PTCH1: variants seen among roughly 807,000 people sequenced by gnomAD.
PTCH1 encodes the protein patched 1, also known as protein patched homolog 1.
In PTCH1, 14 loss-of-function variants were observed where a neutral mutation model predicts 144.6. That is an observed-to-expected ratio of 0.10 (90% CI 0.06 to 0.15). The LOEUF is 0.15. Ranked by LOEUF, PTCH1 falls within the 10% of genes least tolerant of loss-of-function variation. The pLI is 1.00. For synonymous variants in PTCH1, 833 were observed against 793.6 expected (o/e 1.05, Z -0.83); for missense variants, 1,623 against 1,948.3 (o/e 0.83, Z 3.14).
chr9:95,480,046 T>C lies in PTCH1; in HGVS notation c.990A>G (p.Leu330=). ...ALVLNGGCHG[L]SRKYMHWQEE... ...CCTGCCAGTGCATATACTTTCTGGATAAGCCATGACATCCACCATTCAAAA... is the reference window on the plus strand; with the variant it reads ...CCTGCCAGTGCATATACTTTCTGGACAAGCCATGACATCCACCATTCAAAA... Residue 330 remains leucine, a synonymous_variant, in exon 7 of 24, where the codon TTA becomes TTG. Coordinates refer to ENST00000331920, the MANE Select transcript of PTCH1 (RefSeq NM_000264.5). The C allele has an allele frequency of 6.2e-7, 1 of 1,614,018 alleles. No homozygotes were observed. The highest frequency in any genetic ancestry group is 1.3e-5 in the African/African-American group (1 of 74,982).
rs863224649 is a variant in PTCH1, at chr9:95,476,110, G to C, written c.1652C>G (p.Thr551Arg). The C allele has an allele frequency of 6.2e-7, 1 of 1,613,836 alleles. No homozygotes were observed. Among genetic ancestry groups the C allele is most frequent in the Non-Finnish European group, 8.5e-7 (1 of 1,179,902 alleles). Residue 551 changes from threonine (T) to arginine (R), a missense_variant, in exon 12 of 24, where the codon ACG (threonine) becomes AGG (arginine). Coordinates refer to ENST00000331920, the MANE Select transcript of PTCH1 (RefSeq NM_000264.5). This position sits in a 1 kb window ranked among gnomAD's most constrained non-coding sequence, Gnocchi z 4.6. ...LKRTGASVAL[T>R]SISNVTAFFM... ...GAAGGCTGTGACATTGCTGATGGACGTGAGGGCCACGCTGGCTCCTGTGCG... is the reference window on the plus strand; with the variant it reads ...GAAGGCTGTGACATTGCTGATGGACCTGAGGGCCACGCTGGCTCCTGTGCG...
At chr9:95,505,917 CCGCCG>C (rs1843558473) in intron 2 of PTCH1, among the ~76,000 whole-genome samples, 1 of 147,644 alleles carries the variant, frequency 6.8e-6, no homozygotes, top group African/African-American at 2.4e-5. Flanking sequence ...GCGGCCGCGG[CCGCCG>C]GGGGCGCGCA....
At chr9:95,474,717 T>A (rs1840881437) in intron 12 of PTCH1, among the ~76,000 whole-genome samples, 1 of 152,138 alleles carries the variant, frequency 6.6e-6, no homozygotes. Context: ...GACATTCAAA[T>A]ACGTGATTGA....
chr9:95,476,273 T>G lies in PTCH1; in HGVS notation c.1603-114A>C. On this transcript the variant is annotated intron_variant, in intron 11 of 23. Transcript: ENST00000331920. The surrounding 1 kb of genome is among the most constrained non-coding windows in gnomAD (Gnocchi z 4.6). ...ACACAACTGTTATTACAGCTTATCATGCTGGCATTAGGGAAACAGAGCCAC... is the reference window on the plus strand; with the variant it reads ...ACACAACTGTTATTACAGCTTATCAGGCTGGCATTAGGGAAACAGAGCCAC... The G allele has an allele frequency of 6.8e-7, 1 of 1,474,842 alleles. No individual in the cohort carries two copies. Among genetic ancestry groups the G allele is most frequent in the South Asian group, 1.2e-5 (1 of 82,442 alleles). The allele number at this position is 1,474,842 out of a possible 1,614,324, so 91.4% of individuals were successfully genotyped here. A position where few individuals can be genotyped will look rare whatever the true frequency, so the allele number is the denominator to read the frequency against.
chr9:95,478,801 C>G (rs1413400957), intron 8 of PTCH1, among the ~76,000 whole-genome samples, 199 bp downstream of exon 8: 1 of 152,010 alleles, frequency 6.6e-6, no homozygotes, highest in African/African-American at 2.4e-5. Flanking sequence ...CTCAGGGCAC[C>G]CCAATTAGAA....
intron 2 of PTCH1, chr9:95,503,220 A>G (rs1293796094): frequency 6.6e-6 from 1 of 152,232 alleles, no homozygotes; most frequent in Non-Finnish European, 1.5e-5. Flanking sequence ...CATCTAACAG[A>G]TTTCTTTGCT....
In PTCH1 at chr9:95,461,997, T is replaced by C. The variant is rs751613059; in HGVS notation, c.2562A>G (p.Gly854=). 38 of 1,614,042 alleles carry C rather than the reference T, an allele frequency of 2.4e-5. 1 individual carries two copies. In the South Asian group the frequency reaches 3.6e-4, roughly 15 times the overall value. Residue 854 remains glycine, a splice_region_variant and synonymous_variant, in exon 16 of 24, where the codon GGA becomes GGG. Coordinates refer to ENST00000331920, the MANE Select transcript of PTCH1 (RefSeq NM_000264.5). The part of the protein sequence containing the change: ...WLHYFRDWLQ[G]LQDAFDSDWE... ...AGTCACTGTCAAATGCATCCTGAAG[T>C]CCTAGAAATGGCAAATGATTGTAAC... is the stretch of plus-strand genomic sequence containing the variant.
Position 95,476,250 on chromosome 9 carries a change from ACAACT to A in PTCH1, c.1603-96_1603-92del. On this transcript the variant is annotated intron_variant, in intron 11 of 23. Transcript: ENST00000331920. The surrounding 1 kb of genome is among the most constrained non-coding windows in gnomAD (Gnocchi z 4.6). ...GTGAGCAGATACGTGGCAGAATAAC[ACAACT>A]GTTATTACAGCTTATCATGCTGGCA... is the stretch of plus-strand genomic sequence containing the variant. 2 of 1,525,460 alleles carry A rather than the reference ACAACT, an allele frequency of 1.3e-6. No individual in the cohort carries two copies. The highest frequency in any genetic ancestry group is 1.8e-6 in the Non-Finnish European group (2 of 1,131,370). The allele number at this position is 1,525,460 out of a possible 1,614,324, so 94.5% of individuals were successfully genotyped here.
At chr9:95,465,800 G>C (rs1261290253) in intron 15 of PTCH1, among the ~76,000 whole-genome samples, 2 of 152,202 alleles carry the variant, frequency 1.3e-5, no homozygotes, top group African/African-American at 2.4e-5. Context: ...GCCAAAAAAT[G>C]TTGGGGGCCA....
rs181612554 is a variant in PTCH1, at chr9:95,481,894, A to G, written c.746+55T>C. Reference sequence around the variant, plus strand: ...AACAAACAATGATAAGCAACATTAGAAACACTGAGTCCTAGAGAAGTCACA... The same window carrying G: ...AACAAACAATGATAAGCAACATTAGGAACACTGAGTCCTAGAGAAGTCACA... On this transcript the variant is annotated intron_variant, in intron 5 of 23. Coordinates refer to ENST00000331920, the MANE Select transcript of PTCH1 (RefSeq NM_000264.5). The G allele has an allele frequency of 3.5e-6, 5 of 1,424,178 alleles. No individual in the cohort carries two copies. The East Asian group carries it at 1.1e-4, about 33-fold the overall frequency. 88.2% of individuals were successfully genotyped at this position (1,424,178 alleles called of 1,614,324 possible). A position where few individuals can be genotyped will look rare whatever the true frequency, so the allele number is the denominator to read the frequency against.
Position 95,468,993 on chromosome 9 carries a change from G to A in PTCH1, c.2008C>T (p.Pro670Ser), listed in dbSNP as rs1840302404. 6.2e-7 allele frequency: 1 copy of A among 1,614,070 alleles called. No individual in the cohort carries two copies. Among genetic ancestry groups the A allele is most frequent in the Non-Finnish European group, 8.5e-7 (1 of 1,180,034 alleles). ...STVQLRTEYDPHTHVYYTTAE... is the reference protein window; with the variant it reads ...STVQLRTEYDSHTHVYYTTAE... ...GTGGTGTAGTACACGTGCGTGTGGG[G>A]GTCGTACTCCGTGCGGAGCTGGACA... The change falls in exon 14 of 24, where the codon CCC (proline) becomes TCC (serine). Residue 670 changes from proline to serine, a missense_variant. This residue lies in a region of PTCH1 where 179 missense variants were observed against 165.7 expected (regional missense o/e 1.08). Transcript: ENST00000331920.
Position 95,473,873 on chromosome 9 carries a change from G to C in PTCH1, c.1728+2161C>G, listed in dbSNP as rs116917214. On this transcript the variant is annotated intron_variant, in intron 12 of 23. Coordinates refer to ENST00000331920, the MANE Select transcript of PTCH1 (RefSeq NM_000264.5). Reference sequence around the variant, plus strand: ...TTTTCTTTTGACAGAGAATTAACCAGTGTCATGAGGAGGTATTCTTCAGTA... The same window carrying C: ...TTTTCTTTTGACAGAGAATTAACCACTGTCATGAGGAGGTATTCTTCAGTA... 3,167 of 325,544 alleles carry C rather than the reference G, an allele frequency of 9.7e-3. 46 individuals are homozygous for C. The highest frequency in any genetic ancestry group is 0.033 in the East Asian group (436 of 13,094). The allele number at this position is 325,544 out of a possible 1,614,324, so 20.2% of individuals were successfully genotyped here.
At chr9:95,452,468 T>C (rs1033396366) in intron 20 of PTCH1, 5 of 152,204 alleles carry the variant, frequency 3.3e-5, no homozygotes, top group African/African-American at 1.2e-4. Context: ...ATTCTGGCCT[T>C]AGAGCTCCAT....
Position 95,469,026 on chromosome 9 carries a change from G to A in PTCH1, c.1975C>T (p.Gln659Ter), listed in dbSNP as rs1268572514. ...SFAHETQITM[Q>*]STVQLRTEYD... The stretch of plus-strand genomic sequence containing the variant: ...TCCGTGCGGAGCTGGACAGTGGACT[G>A]CATGGTAATCTGCGTTTCATGGGCA... The change falls in exon 14 of 24, where the codon CAG becomes TAG. Residue 659 changes from glutamine (Q) to a stop codon, truncating the protein, a stop_gained. Transcript: ENST00000331920. LOFTEE classifies it high-confidence loss of function. 1 of 1,613,956 alleles carries A rather than the reference G, an allele frequency of 6.2e-7. No individual in the cohort carries two copies.
At chr9:95,455,303 G>A (rs906804584) in intron 19 of PTCH1, among the ~76,000 whole-genome samples, 2 of 152,244 alleles carry the variant, frequency 1.3e-5, no homozygotes, top group Non-Finnish European at 2.9e-5. Flanking sequence ...AGCCTATGTG[G>A]AGACATGCAT....
Position 95,508,874 on chromosome 9 carries a change from C to T in PTCH1, c.-513G>A, listed in dbSNP as rs921040811. 1 of 970,866 alleles carries T rather than the reference C, an allele frequency of 1.0e-6. No individual in the cohort carries two copies. The allele number at this position is 970,866 out of a possible 1,614,324, so 60.1% of individuals were successfully genotyped here. On this transcript the variant is annotated 5_prime_UTR_variant, in exon 1 of 24. Transcript: ENST00000331920. ...CCCGAGCGGCCGCGGAGGGCAAGCG[C>T]AGAGCCGCCGCCGCCGCGGGGTCCG...
rs1564055682 is a variant in PTCH1 at position 95,480,493 on chromosome 9, A to G, written c.842T>C (p.Met281Thr). 3 of 1,612,600 alleles carry G rather than the reference A, an allele frequency of 1.9e-6. No individual in the cohort carries two copies. Among genetic ancestry groups the G allele is most frequent in the African/African-American group, 2.7e-5 (2 of 74,502 alleles). Reference sequence around the variant, plus strand: ...ATGACCAACCTCAGCCTTATTCAGCATTTCCTCCCAGCTGTCCACTTGATA... The same window carrying G: ...ATGACCAACCTCAGCCTTATTCAGCGTTTCCTCCCAGCTGTCCACTTGATA... ...INYQVDSWEE[M>T]LNKAEVGHGY... Residue 281 changes from methionine to threonine, a missense_variant, in exon 6 of 24, where the codon ATG becomes ACG. Coordinates refer to ENST00000331920, the MANE Select transcript of PTCH1 (RefSeq NM_000264.5).
Position 95,458,400 on chromosome 9 carries a change from T to A in PTCH1, c.2888-107A>T. The A allele has an allele frequency of 7.3e-7, 1 of 1,368,660 alleles. No homozygotes were observed. The highest frequency in any genetic ancestry group is 1.0e-6 in the Non-Finnish European group (1 of 983,964). The allele number at this position is 1,368,660 out of a possible 1,614,324, so 84.8% of individuals were successfully genotyped here. ...CATGAAAGCTTACTGACTGCTCTTC[T>A]ACATGATACAAAGAACAAACAATGC... On this transcript the variant is annotated intron_variant, in intron 17 of 23. Transcript: ENST00000331920. This position sits in a 1 kb window ranked among gnomAD's most constrained non-coding sequence, Gnocchi z 4.7.
intron 18 of PTCH1, among the ~76,000 whole-genome samples, 154 bp from the exon 19 acceptor site, chr9:95,456,567 A>C (rs1394633517): frequency 1.3e-5 from 2 of 152,180 alleles, no homozygotes; most frequent in Non-Finnish European, 2.9e-5. Context: ...TTTACTGCCT[A>C]ATTCATCTTC....
Sources: gnomAD v4.1 joint callset for allele counts (sites outside exome capture counted in the v4.1 genomes callset) on GRCh38, gnomAD v4.1.1 for gene constraint, gnomAD v4.1.1 regional missense constraint, Gnocchi (gnomAD v3.1) non-coding constraint, MANE v1.5 for transcripts, NCBI Gene and HGNC (gene_info 2026-07-23, HGNC 2026-07-21) for gene names.